The following NR6A1 variants were observed in gnomAD, a reference collection of about 807,000 sequenced individuals.
NR6A1 encodes the protein retinoic acid receptor-related testis-associated receptor.
A neutral mutation model predicts 59.1 loss-of-function variants in NR6A1; 7 were observed. The ratio of observed to expected loss-of-function variants is 0.12; its 90% CI spans 0.07 to 0.22. NR6A1 has a LOEUF of 0.22. Among genes scored for constraint, NR6A1 ranks in the 10% least tolerant of loss-of-function variants. The probability of loss-of-function intolerance (pLI) is 1.00; values close to 1 mark genes in which losing one functional copy is unlikely to be tolerated. For synonymous variants in NR6A1, 243 were observed against 236.1 expected, an observed-to-expected ratio of 1.03 and a Z score of -0.27; for missense variants, 468 against 611.6, an observed-to-expected ratio of 0.77 and a Z score of 2.48.
intron 5 of NR6A1, among the ~76,000 whole-genome samples, chr9:124,539,183 A>ATGTGAGCC (rs1833372216): frequency 6.6e-6 from 1 of 152,056 alleles, no homozygotes; most frequent in South Asian, 2.1e-4. Flanking sequence ...GGGAATACAG[A>ATGTGAGCC]TGTGAGCCAC....
At chr9:124,704,515 A>T (rs1041654304) in intron 2 of NR6A1, among the ~76,000 whole-genome samples, 15 of 151,610 alleles carry the variant, frequency 9.9e-5, no homozygotes, top group African/African-American at 3.2e-4. Context: ...GGCTCAAGCA[A>T]TCCTCCCACC....
At chr9:124,715,347 A>G (rs1431405330) in intron 2 of NR6A1, among the ~76,000 whole-genome samples, 2 of 151,702 alleles carry the variant, frequency 1.3e-5, no homozygotes, top group Non-Finnish European at 2.9e-5. Flanking sequence ...ACATAGTGAG[A>G]CCCCGTCTCT....
At chr9:124,758,728 G>C (rs774306217) in intron 1 of NR6A1, among the ~76,000 whole-genome samples, 2 of 152,070 alleles carry the variant, frequency 1.3e-5, no homozygotes, top group African/African-American at 2.4e-5. Flanking sequence ...AGCAGCCAAG[G>C]GTTCTAAAGC....
At chr9:124,573,874 C>T (rs1834520100) in intron 2 of NR6A1, among the ~76,000 whole-genome samples, 1 of 152,050 alleles carries the variant, frequency 6.6e-6, no homozygotes, top group Non-Finnish European at 1.5e-5. Context: ...ATGGATAAAA[C>T]TTTGGAAGCA....
At position 124,553,549 on chromosome 9, in the gene NR6A1, C is replaced by CTTTTTTTTTTTTTTTTT. The variant is rs780925768; in HGVS notation, c.385+762_385+778dup. On this transcript the variant is annotated intron_variant, in intron 3 of 9. Transcript: ENST00000487099. ...GAAATCACCCTGCTTTTTAGCTTGACTTTTTTTTTTTTTTTTTTTTTTTTT... is the reference window on the plus strand; with the variant it reads ...GAAATCACCCTGCTTTTTAGCTTGACTTTTTTTTTTTTTTTTTTTTTTTTTTTTTTTTTTTTTTTTTT... Among the ~76,000 whole-genome samples the CTTTTTTTTTTTTTTTTT allele has an allele frequency of 2.4e-3, 112 of 47,320 alleles. 1 individual carries two copies. Among genetic ancestry groups the CTTTTTTTTTTTTTTTTT allele is most frequent in the Non-Finnish European group, 3.1e-3 (77 of 25,006 alleles). The allele number at this position is 47,320 out of a possible 152,430, so 31.0% of individuals were successfully genotyped here.
chr9:124,682,986 G>A (rs780185367), intron 2 of NR6A1, among the ~76,000 whole-genome samples: 7 of 151,900 alleles, frequency 4.6e-5, no homozygotes, highest in African/African-American at 1.7e-4. Context: ...TGGGAGGATC[G>A]CTTGAGTCCA....
chr9:124,651,111 A>G (rs1049455750), intron 2 of NR6A1, among the ~76,000 whole-genome samples: 4 of 152,196 alleles, frequency 2.6e-5, no homozygotes, highest in African/African-American at 9.7e-5. Flanking sequence ...ACTGGAGTGC[A>G]GTGGTTCCAT....
chr9:124,630,673 T>TC (rs1447253115), intron 2 of NR6A1, among the ~76,000 whole-genome samples: 7 of 129,860 alleles, frequency 5.4e-5, no homozygotes, highest in Non-Finnish European at 9.7e-5. Context: ...TACATTTCTT[T>TC]TTTTTTTTTT....
intron 2 of NR6A1, among the ~76,000 whole-genome samples, chr9:124,580,070 CTAGT>C (rs1834718777): frequency 6.6e-6 from 1 of 152,136 alleles, no homozygotes; most frequent in South Asian, 2.1e-4. Flanking sequence ...AATTCTACTC[CTAGT>C]TATTTAACAC....
chr9:124,550,375 A>ATTTTTTTTTTT (rs58594452), intron 3 of NR6A1, among the ~76,000 whole-genome samples: 12 of 117,620 alleles, frequency 1.0e-4, no homozygotes, highest in East Asian at 2.5e-4. Context: ...CTAATGGTGA[A>ATTTTTTTTTTT]TTTTTTTTTT....
chr9:124,696,939 T>C (rs1400562453), intron 2 of NR6A1, among the ~76,000 whole-genome samples: 1 of 152,206 alleles, frequency 6.6e-6, no homozygotes, highest in Non-Finnish European at 1.5e-5. Flanking sequence ...ATTATAGGCG[T>C]GAGCCACCGC....
intron 1 of NR6A1, among the ~76,000 whole-genome samples, chr9:124,752,758 T>A (rs1840541356): frequency 6.6e-6 from 1 of 151,550 alleles, no homozygotes; most frequent in Non-Finnish European, 1.5e-5. Context: ...AGAAACACAA[T>A]GTTTTAAGAA....
intron 2 of NR6A1, among the ~76,000 whole-genome samples, chr9:124,626,193 A>G (rs2130870302): frequency 6.6e-6 from 1 of 152,242 alleles, no homozygotes; most frequent in Non-Finnish European, 1.5e-5. Context: ...TTCCGTAGAG[A>G]CAGGGTTTCA....
intron 2 of NR6A1, among the ~76,000 whole-genome samples, chr9:124,687,291 A>ATTATTTATTTATTTATTTATTTAT (rs142524533): frequency 1.2e-3 from 170 of 142,170 alleles, no homozygotes; most frequent in African/African-American, 3.9e-3. Context: ...CAGCTAATTA[A>ATTATTTATTTATTTATTTATTTAT]TTATTTATTT....
intron 2 of NR6A1, among the ~76,000 whole-genome samples, chr9:124,676,328 G>C (rs932870182): frequency 6.6e-6 from 1 of 151,882 alleles, no homozygotes; most frequent in African/African-American, 2.4e-5. Context: ...TATGAGCTTT[G>C]GCAGCTGCAC....
intron 1 of NR6A1, among the ~76,000 whole-genome samples, chr9:124,734,474 C>T (rs1377992665): frequency 6.6e-6 from 1 of 152,192 alleles, no homozygotes; most frequent in Non-Finnish European, 1.5e-5. Context: ...GAGCTGATCA[C>T]TTGAGGCCAG....
At chr9:124,753,214 G>A (rs1389094335) in intron 1 of NR6A1, among the ~76,000 whole-genome samples, 1 of 152,196 alleles carries the variant, frequency 6.6e-6, no homozygotes, top group East Asian at 1.9e-4. Context: ...AAAATGTGGT[G>A]TTAGTTTTTC....
chr9:124,575,880 A>T (rs981402688), intron 2 of NR6A1, among the ~76,000 whole-genome samples: 2 of 152,230 alleles, frequency 1.3e-5, no homozygotes, highest in Non-Finnish European at 2.9e-5. Flanking sequence ...GATACCCATC[A>T]GTAAAATGAG....
chr9:124,750,535 C>T (rs543617066), intron 1 of NR6A1, among the ~76,000 whole-genome samples: 5 of 152,132 alleles, frequency 3.3e-5, no homozygotes, highest in South Asian at 2.1e-4. Flanking sequence ...CCGAGGCAGG[C>T]GGATCACGAG....
Sources: gnomAD v4.1 joint callset for allele counts (sites outside exome capture counted in the v4.1 genomes callset) on GRCh38, gnomAD v4.1.1 for gene constraint, MANE v1.5 for transcripts, NCBI Gene and HGNC (gene_info 2026-07-23, HGNC 2026-07-21) for gene names.